CLPB: variants seen among roughly 807,000 people sequenced by gnomAD.
The protein encoded by CLPB is mitochondrial disaggregase.
A neutral mutation model predicts 78.4 loss-of-function variants in CLPB; 40 were observed. That is an observed-to-expected ratio of 0.51 (90% CI 0.40 to 0.66). The LOEUF (loss-of-function observed/expected upper bound fraction) is 0.66. Ranked by LOEUF, CLPB falls within the 30% of genes least tolerant of loss-of-function variation. The pLI, the probability that CLPB is intolerant of heterozygous loss-of-function variation, is 0.00. For missense variants in CLPB, 780 were observed against 886.9 expected (o/e 0.88, Z 1.53); for synonymous variants, 333 against 348.0 (o/e 0.96, Z 0.48).
At chr11:72,423,470 C>T (rs758522180) in intron 2 of CLPB, among the ~76,000 whole-genome samples, 6 of 152,214 alleles carry the variant, frequency 3.9e-5, no homozygotes, top group Non-Finnish European at 8.8e-5. Context: ...TCCTAACCAT[C>T]ACCAAGTCCT....
intron 2 of CLPB, among the ~76,000 whole-genome samples, chr11:72,409,249 G>A (rs1195881136): frequency 6.6e-6 from 1 of 152,118 alleles, no homozygotes; most frequent in Non-Finnish European, 1.5e-5. Flanking sequence ...CCTATCTGGG[G>A]ATTGCCCAGG....
intron 11 of CLPB, among the ~76,000 whole-genome samples, chr11:72,296,999 G>A (rs1949562862): frequency 6.6e-6 from 1 of 152,198 alleles, no homozygotes; most frequent in African/African-American, 2.4e-5. Context: ...CAGACCAATG[G>A]TGCTGGATGA....
intron 8 of CLPB, among the ~76,000 whole-genome samples, chr11:72,307,870 G>T (rs1949772760): frequency 6.6e-6 from 1 of 152,152 alleles, no homozygotes; most frequent in South Asian, 2.1e-4. Context: ...CCTTTTGGGG[G>T]CCTACATCTG....
Position 72,397,727 on chromosome 11 carries a change from T to C in CLPB, c.542+5239A>G, listed in dbSNP as rs182092248. Among the ~76,000 whole-genome samples the C allele has an allele frequency of 2.6e-3, 397 of 152,350 alleles. 2 individuals are homozygous for C. Among genetic ancestry groups the C allele is most frequent in the African/African-American group, 9.1e-3 (378 of 41,580 alleles). ...TTATTATTGATTTGTAAGACTTCTT[T>C]ATATGTTCTGGGTACTACTGCTTTA... On this transcript the variant is annotated intron_variant, in intron 3 of 15. Coordinates refer to ENST00000538039, the MANE Select transcript of CLPB (RefSeq NM_001258392.3).
rs145640608 is a variant in CLPB, at chr11:72,371,882, T to C, written c.646+8399A>G. 2.2e-3 allele frequency among the ~76,000 whole-genome samples: 333 copies of C among 152,386 alleles called. 1 individual carries two copies. The highest frequency in any genetic ancestry group is 7.6e-3 in the African/African-American group (316 of 41,604). ...ACAGATTCTCTTCTCTGAGCTCTGA[T>C]AGTCCTTGTTATCTGAACCTCTGAC... On this transcript the variant is annotated intron_variant, in intron 4 of 15. Transcript: ENST00000538039.
At chr11:72,295,739 TC>T in intron 11 of CLPB, 91 bp from the exon 12 acceptor site, 1 of 1,274,278 alleles carries the variant, frequency 7.8e-7, no homozygotes, top group Non-Finnish European at 1.1e-6. Context: ...TCAGGAGGCC[TC>T]CCCAGAGCCC....
rs200812003 is a variant in CLPB at position 72,294,666 on chromosome 11, G to C, written c.1514C>G (p.Thr505Ser). 3.7e-6 allele frequency: 6 copies of C among 1,614,010 alleles called. No homozygotes were observed. The highest frequency in any genetic ancestry group is 5.1e-6 in the Non-Finnish European group (6 of 1,179,932). ...ATTCTCCTTGAAGTTCTTTGAGATGGTGATCTTGTCACTTATCTGGACATC... is the reference window on the plus strand; with the variant it reads ...ATTCTCCTTGAAGTTCTTTGAGATGCTGATCTTGTCACTTATCTGGACATC... The part of the protein sequence containing the change: ...LGDVQISDKI[T>S]ISKNFKENVI... Residue 505 changes from threonine to serine, a missense_variant, in exon 13 of 16, where the codon ACC becomes AGC. Thr to Ser is a moderately conservative substitution (Grantham distance 58). Around this residue, in one of 3 missense-constraint regions of CLPB, gnomAD observed 272 missense variants for 304.0 expected, o/e 0.89. Coordinates refer to ENST00000538039, the MANE Select transcript of CLPB (RefSeq NM_001258392.3).
chr11:72,298,414 G>T (rs895112650), intron 11 of CLPB, among the ~76,000 whole-genome samples: 2 of 152,158 alleles, frequency 1.3e-5, no homozygotes, highest in African/African-American at 4.8e-5. Context: ...TCACGCCAAG[G>T]CCAGGGCTGC....
intron 2 of CLPB, among the ~76,000 whole-genome samples, chr11:72,419,430 TAGTTCCTCA>T (rs1490562323): frequency 6.6e-6 from 1 of 152,184 alleles, no homozygotes; most frequent in Non-Finnish European, 1.5e-5. Flanking sequence ...GCACTCACAT[TAGTTCCTCA>T]TGTTCCTCAG....
Position 72,312,151 on chromosome 11 carries a change from A to T in CLPB, c.989-3547T>A, listed in dbSNP as rs528162382. 6.6e-6 allele frequency among the ~76,000 whole-genome samples: 1 copy of T among 152,364 alleles called. No individual in the cohort carries two copies. Among genetic ancestry groups the T allele is most frequent in the African/African-American group, 2.4e-5 (1 of 41,588 alleles). Reference sequence around the variant, plus strand: ...TTAGAGCCTCCGTTTCTTCCTCTATAAAATGGGAACAGTCACATATACTGT... The same window carrying T: ...TTAGAGCCTCCGTTTCTTCCTCTATTAAATGGGAACAGTCACATATACTGT... On this transcript the variant is annotated intron_variant, in intron 7 of 15. Coordinates refer to ENST00000538039, the MANE Select transcript of CLPB (RefSeq NM_001258392.3). The surrounding 1 kb of genome is among the most constrained non-coding windows in gnomAD (Gnocchi z 4.2).
At chr11:72,418,710 C>T (rs1408898434) in intron 2 of CLPB, among the ~76,000 whole-genome samples, 1 of 152,060 alleles carries the variant, frequency 6.6e-6, no homozygotes, top group Non-Finnish European at 1.5e-5. Flanking sequence ...CAAAAATTAG[C>T]CGGGTGTGGT....
At chr11:72,308,440 C>T in intron 8 of CLPB, 87 bp downstream of exon 8, 2 of 1,192,170 alleles carry the variant, frequency 1.7e-6, no homozygotes, top group South Asian at 1.2e-5. Flanking sequence ...ACCTGCTGAC[C>T]CTGGCCCGCA....
At chr11:72,377,265 G>C (rs1325792507) in intron 4 of CLPB, among the ~76,000 whole-genome samples, 1 of 152,180 alleles carries the variant, frequency 6.6e-6, no homozygotes, top group Non-Finnish European at 1.5e-5. Context: ...TGTGCTCTAG[G>C]ACTCTGTGTT....
At chr11:72,345,661 T>C (rs1565451442) in intron 5 of CLPB, among the ~76,000 whole-genome samples, 11 of 152,190 alleles carry the variant, frequency 7.2e-5, no homozygotes, top group Admixed American at 4.6e-4. Flanking sequence ...GTGCTCTACA[T>C]ATTCAAACAA....
intron 2 of CLPB, among the ~76,000 whole-genome samples, chr11:72,415,119 G>C (rs1027328610): frequency 2.0e-5 from 3 of 152,158 alleles, no homozygotes; most frequent in African/African-American, 2.4e-5. Flanking sequence ...AGGAGGCTGA[G>C]GCAGGAGAAT....
chr11:72,409,092 G>C (rs1035941267), intron 2 of CLPB, among the ~76,000 whole-genome samples: 7 of 152,200 alleles, frequency 4.6e-5, no homozygotes, highest in Admixed American at 2.6e-4. Context: ...CTTAATTCAG[G>C]CTGCCACTCA....
intron 12 of CLPB, among the ~76,000 whole-genome samples, 178 bp from the exon 13 acceptor site, chr11:72,294,871 G>A (rs1021678747): frequency 1.3e-5 from 2 of 152,188 alleles, no homozygotes; most frequent in African/African-American, 4.8e-5. Context: ...GGCACTTTCG[G>A]AGGCCTTTCC....
At chr11:72,307,623 C>T (rs1949768502) in intron 8 of CLPB, among the ~76,000 whole-genome samples, 1 of 152,244 alleles carries the variant, frequency 6.6e-6, no homozygotes, top group South Asian at 2.1e-4. Context: ...CTGCATCCCT[C>T]TCAATACCCA....
chr11:72,422,686 T>C (rs1388306893), intron 2 of CLPB, among the ~76,000 whole-genome samples: 9 of 152,212 alleles, frequency 5.9e-5, no homozygotes, highest in Admixed American at 2.0e-4. Context: ...AGCTGGATGT[T>C]TTGGTTGCTC....
Sources: allele counts gnomAD v4.1 joint callset (sites outside exome capture counted in the v4.1 genomes callset), GRCh38; gene constraint gnomAD v4.1.1; regional missense constraint gnomAD v4.1.1; non-coding constraint Gnocchi (gnomAD v3.1); transcripts MANE v1.5; gene names NCBI Gene and HGNC (gene_info 2026-07-23, HGNC 2026-07-21).